Variants in ZNF860 observed in about 807,000 individuals in gnomAD.
ZNF860 encodes the protein zinc finger protein 860.
For synonymous variants in ZNF860, 206 were observed against 248.9 expected, an observed-to-expected ratio of 0.83 and a Z score of 1.62; for missense variants, 641 against 759.2, an observed-to-expected ratio of 0.84 and a Z score of 1.83.
the ZNF860 span, among the ~76,000 whole-genome samples, chr3:32,002,095 G>T: frequency 1.3e-5 from 2 of 152,158 alleles, no homozygotes; most frequent in African/African-American, 4.8e-5. Context: ...TAGGTCCTAG[G>T]TATACTTCCT....
At chr3:31,994,867 G>A (rs950234997), downstream of ZNF860, among the ~76,000 whole-genome samples, 4 of 152,032 alleles carry the variant, frequency 2.6e-5, no homozygotes, top group East Asian at 1.9e-4. Flanking sequence ...CCTAAGTGTC[G>A]GCTGGTCTGA....
At chr3:32,002,535 A>G in the ZNF860 span, among the ~76,000 whole-genome samples, 1 of 152,220 alleles carries the variant, frequency 6.6e-6, no homozygotes, top group East Asian at 1.9e-4. Flanking sequence ...ATTATTATCC[A>G]TAGCTGTGGA....
In ZNF860 at chr3:31,989,870, G is replaced by A. The variant is rs1166721946; in HGVS notation, c.791G>A (p.Gly264Asp). 6.2e-7 allele frequency: 1 copy of A among 1,614,070 alleles called. No homozygotes were observed. Among genetic ancestry groups the A allele is most frequent in the Non-Finnish European group, 8.5e-7 (1 of 1,180,010 alleles). ...GGKQYKCDVC[G>D]KVFNQKRYLA... ...AAACAATATAAATGTGATGTATGTG[G>A]CAAGGTCTTTAATCAGAAGCGATAC... Residue 264 changes from glycine to aspartate, a missense_variant, in exon 2 of 2, where the codon GGC (glycine) becomes GAC (aspartate). Gly to Asp is a moderately conservative substitution (Grantham distance 94, BLOSUM62 -1). Transcript: ENST00000360311.
At chr3:31,983,543 T>C (rs981284997) in intron 1 of ZNF860, among the ~76,000 whole-genome samples, 5 of 152,202 alleles carry the variant, frequency 3.3e-5, no homozygotes, top group African/African-American at 1.2e-4. Context: ...AAGCCAGCCG[T>C]ATGGGATCAA....
At chr3:31,987,457 A>G (rs1450063234) in intron 1 of ZNF860, among the ~76,000 whole-genome samples, 2 of 152,226 alleles carry the variant, frequency 1.3e-5, no homozygotes, top group African/African-American at 4.8e-5. Context: ...ATAAGATCCA[A>G]TGACTGGGTC....
At chr3:31,996,507 A>C (rs113172195), downstream of ZNF860, among the ~76,000 whole-genome samples, 4 of 151,668 alleles carry the variant, frequency 2.6e-5, no homozygotes, top group African/African-American at 7.3e-5. Context: ...CAGGGGGAGA[A>C]GGGGGTTAGT....
At chr3:31,998,966 G>T in the ZNF860 span, among the ~76,000 whole-genome samples, 2 of 152,190 alleles carry the variant, frequency 1.3e-5, no homozygotes, top group African/African-American at 4.8e-5. Flanking sequence ...TAGCTATTTT[G>T]CATTCATAAG....
chr3:31,990,931 G>T lies in ZNF860; in HGVS notation c.1852G>T (p.Gly618Ter). 6.3e-7 allele frequency: 1 copy of T among 1,574,836 alleles called. No individual in the cohort carries two copies. Among genetic ancestry groups the T allele is most frequent in the Non-Finnish European group, 8.6e-7 (1 of 1,158,960 alleles). The change falls in exon 2 of 2, where the codon GGA becomes TGA. Residue 618 changes from glycine to a stop codon, truncating the protein, a stop_gained. Coordinates refer to ENST00000360311, the MANE Select transcript of ZNF860 (RefSeq NM_001137674.3). LOFTEE classifies it low-confidence loss of function (END_TRUNC). The stretch of plus-strand genomic sequence containing the variant: ...CATTAGACATCAGAGAATCCATACC[G>T]GACAGAAATCTTACAAATGTCATAA... ...HRIRHQRIHT[G>*]QKSYKCHKRG... is the part of the protein sequence containing the mutation.
Position 31,981,783 on chromosome 3 carries a change from G to C in ZNF860, c.-540G>C, listed in dbSNP as rs58075697. On this transcript the variant is annotated 5_prime_UTR_variant, in exon 1 of 2. An upstream start codon of the reference 5' UTR is lost. Transcript: ENST00000360311. This position sits in a 1 kb window ranked among gnomAD's most constrained non-coding sequence, Gnocchi z 4.5. ...CCTCTCTCGGTCTTCCGCACACGATGCTGCGCCAGACGCTCCTACACAGTA... is the reference window on the plus strand; with the variant it reads ...CCTCTCTCGGTCTTCCGCACACGATCCTGCGCCAGACGCTCCTACACAGTA... The C allele has an allele frequency of 0.091, 13,899 of 152,218 alleles. 1,114 individuals carry two copies. The highest frequency in any genetic ancestry group is 0.47 in the East Asian group (2,420 of 5,120). 9.4% of individuals were successfully genotyped at this position (152,218 alleles called of 1,614,324 possible). A position where few individuals can be genotyped will look rare whatever the true frequency, so the allele number is the denominator to read the frequency against.
intron 1 of ZNF860, among the ~76,000 whole-genome samples, chr3:31,985,614 A>G (rs1364029359): frequency 6.6e-6 from 1 of 152,164 alleles, no homozygotes; most frequent in African/African-American, 2.4e-5. Context: ...ACCAGCAAGT[A>G]AGTGAGTGGA....
rs775601463 is a variant in ZNF860, at chr3:31,990,134, G to C, written c.1055G>C (p.Arg352Thr). 9 of 1,611,476 alleles carry C rather than the reference G, an allele frequency of 5.6e-6. No homozygotes were observed. The highest frequency in any genetic ancestry group is 7.6e-6 in the Non-Finnish European group (9 of 1,178,510). The change falls in exon 2 of 2, where the codon AGG becomes ACG. Residue 352 changes from arginine (R) to threonine (T), a missense_variant. Coordinates refer to ENST00000360311, the MANE Select transcript of ZNF860 (RefSeq NM_001137674.3). ...TGTAAGGTTTGTGAAAAGGCTTTCA[G>C]GCGTGATTCACACCTCACACAACAC... ...YKCKVCEKAF[R>T]RDSHLTQHTR...
chr3:31,995,014 G>T (rs1699075416), downstream of ZNF860, among the ~76,000 whole-genome samples: 1 of 152,288 alleles, frequency 6.6e-6, no homozygotes, highest in African/African-American at 2.4e-5. Flanking sequence ...AAAAGGGGAA[G>T]GGGTATATGA....
At position 31,981,978 on chromosome 3, in the gene ZNF860, G is replaced by A. The variant is rs1227343424; in HGVS notation, c.-421+76G>A. On this transcript the variant is annotated intron_variant, in intron 1 of 1. Coordinates refer to ENST00000360311, the MANE Select transcript of ZNF860 (RefSeq NM_001137674.3). This position sits in a 1 kb window ranked among gnomAD's most constrained non-coding sequence, Gnocchi z 4.5. ...AGACACACGGCTGGGCTGGGGTGAG[G>A]CGCGCGAACTCTCAGGTTTGTGCGA... 2.0e-5 allele frequency: 3 copies of A among 152,256 alleles called. No homozygotes were observed. Among genetic ancestry groups the A allele is most frequent in the Non-Finnish European group, 4.4e-5 (3 of 68,122 alleles). The allele number at this position is 152,256 out of a possible 1,614,324, so 9.4% of individuals were successfully genotyped here. A position where few individuals can be genotyped will look rare whatever the true frequency, so the allele number is the denominator to read the frequency against.
chr3:31,984,965 G>GC (rs1249792148), intron 1 of ZNF860, among the ~76,000 whole-genome samples: 2 of 152,184 alleles, frequency 1.3e-5, no homozygotes, highest in African/African-American at 4.8e-5. Context: ...TAGGCCAGGC[G>GC]CGGTGGCTCA....
chr3:31,984,908 T>C (rs1056966673), intron 1 of ZNF860, among the ~76,000 whole-genome samples: 16 of 152,234 alleles, frequency 1.1e-4, no homozygotes, highest in Non-Finnish European at 1.8e-4. Context: ...TTTTTTTTAC[T>C]GTCATAATTT....
intron 1 of ZNF860, 140 bp downstream of exon 1, chr3:31,982,042 C>T (rs1698860729): frequency 6.6e-6 from 1 of 152,324 alleles, no homozygotes; most frequent in East Asian, 1.9e-4. Context: ...CACTCACTGG[C>T]CTAACCCTAA....
chr3:31,984,027 TTTTTG>T (rs144047101), intron 1 of ZNF860, among the ~76,000 whole-genome samples: 13,469 of 149,478 alleles, frequency 0.09, 1,040 homozygotes, highest in East Asian at 0.47. Context: ...TAAGGGGTTT[TTTTTG>T]TTTTTGTTTT....
At chr3:31,996,187 A>C (rs1699088880), downstream of ZNF860, among the ~76,000 whole-genome samples, 1 of 152,232 alleles carries the variant, frequency 6.6e-6, no homozygotes, top group African/African-American at 2.4e-5. Context: ...CCAGAATGGA[A>C]GATTACCAAA....
the ZNF860 span, among the ~76,000 whole-genome samples, chr3:32,004,469 A>C: frequency 1.3e-5 from 2 of 152,238 alleles, no homozygotes; most frequent in Non-Finnish European, 2.9e-5. Flanking sequence ...AGAGAAGACA[A>C]GAAAGGGGAG....
Sources: allele counts gnomAD v4.1 joint callset (sites outside exome capture counted in the v4.1 genomes callset), GRCh38; gene constraint gnomAD v4.1.1; non-coding constraint Gnocchi (gnomAD v3.1); transcripts MANE v1.5; gene names NCBI Gene and HGNC (gene_info 2026-07-23, HGNC 2026-07-21).